The following RAVER2 variants were observed in gnomAD, a reference collection of about 807,000 sequenced individuals.
The protein encoded by RAVER2 is ribonucleoprotein, PTB binding 2.
Under a neutral mutation model 78.1 loss-of-function variants are expected in RAVER2, and 46 were observed. That is an observed-to-expected ratio of 0.59 (90% confidence interval 0.46 to 0.75). The LOEUF is 0.75. Ranked by LOEUF, RAVER2 falls within the 30% of genes least tolerant of loss-of-function variation. The pLI, the probability that RAVER2 is intolerant of heterozygous loss-of-function variation, is 0.00. For missense variants in RAVER2, 793 were observed against 837.5 expected, an observed-to-expected ratio of 0.95 and a Z score of 0.66; for synonymous variants, 311 against 313.3, an observed-to-expected ratio of 0.99 and a Z score of 0.08.
At chr1:64,807,601 C>A in intron 9 of RAVER2, 127 bp downstream of exon 9, 2 of 1,041,930 alleles carry the variant, frequency 1.9e-6, no homozygotes, top group Middle Eastern at 3.2e-4. Context: ...ATTTACTTTT[C>A]AAAATTGAAG....
At chr1:64,815,259 A>C (rs1436819168) in intron 11 of RAVER2, 1 of 152,296 alleles carries the variant, frequency 6.6e-6, no homozygotes, top group Non-Finnish European at 1.5e-5. Flanking sequence ...TCTTTATAGA[A>C]AAATGCTGCT....
At chr1:64,819,625 A>T (rs542720545) in intron 11 of RAVER2, among the ~76,000 whole-genome samples, 1 of 152,368 alleles carries the variant, frequency 6.6e-6, no homozygotes, top group South Asian at 2.1e-4. Flanking sequence ...TACAGATCTA[A>T]CAGGCTCAGA....
At chr1:64,812,649 T>C (rs937832748) in intron 9 of RAVER2, 89 bp from the exon 10 acceptor site, 15 of 747,772 alleles carry the variant, frequency 2.0e-5, no homozygotes, top group Non-Finnish European at 3.3e-5. Flanking sequence ...GTACACTAGA[T>C]GTATTGAAAA....
At chr1:64,793,885 A>G (rs2100858260) in intron 5 of RAVER2, among the ~76,000 whole-genome samples, 1 of 151,860 alleles carries the variant, frequency 6.6e-6, no homozygotes, top group African/African-American at 2.4e-5. Context: ...GCTTAGTAGT[A>G]TTTTTTTCTT....
intron 1 of RAVER2, among the ~76,000 whole-genome samples, chr1:64,760,401 A>G (rs559739556): frequency 6.6e-6 from 1 of 152,292 alleles, no homozygotes; most frequent in South Asian, 2.1e-4. Context: ...CTTTAGTTTA[A>G]GACAGAGAAA....
At chr1:64,800,524 G>T in intron 5 of RAVER2, among the ~76,000 whole-genome samples, 1 of 152,120 alleles carries the variant, frequency 6.6e-6, no homozygotes, top group East Asian at 1.9e-4. Context: ...CGTTTTCCCA[G>T]CATAATTTAT....
intron 9 of RAVER2, 93 bp downstream of exon 9, chr1:64,807,567 AATG>A (rs902768852): frequency 3.2e-6 from 4 of 1,249,642 alleles, no homozygotes; most frequent in African/African-American, 1.5e-5. Flanking sequence ...GTGTCAATGA[AATG>A]ATGACTTTTT....
intron 11 of RAVER2, among the ~76,000 whole-genome samples, chr1:64,823,146 C>G (rs1444149718): frequency 1.3e-5 from 2 of 152,114 alleles, no homozygotes; most frequent in African/African-American, 4.8e-5. Context: ...TGTGAATCAA[C>G]AAATTTTGGA....
In RAVER2 at chr1:64,777,972, A is replaced by G. The variant is rs79421317; in HGVS notation, c.666A>G (p.Leu222=). 724 of 1,614,086 alleles carry G rather than the reference A, an allele frequency of 4.5e-4. 3 individuals are homozygous for G. The African/African-American group carries it at 6.7e-3, about 15-fold the overall frequency. The change falls in exon 3 of 12, where the codon CTA becomes CTG. Residue 222 remains leucine, a synonymous_variant. Transcript: ENST00000294428. Reference sequence around the variant, plus strand: ...TTGCACAATGGATGGATGTTAATCTATTGGCTTCAGAGCTCATTCATTCTA... The same window carrying G: ...TTGCACAATGGATGGATGTTAATCTGTTGGCTTCAGAGCTCATTCATTCTA...
rs1473260030 is a variant in RAVER2 at position 64,804,853 on chromosome 1, A to AT, written c.1296+21dup. 8.3e-5 allele frequency: 127 copies of AT among 1,531,260 alleles called. No homozygotes were observed. Among genetic ancestry groups the AT allele is most frequent in the Non-Finnish European group, 1.1e-4 (123 of 1,111,642 alleles). The allele number at this position is 1,531,260 out of a possible 1,614,324, so 94.9% of individuals were successfully genotyped here. On this transcript the variant is annotated intron_variant, in intron 7 of 11. Coordinates refer to ENST00000294428, the Ensembl canonical transcript of RAVER2. ...ATACTAATAATGTAAGTATGGTATC[A>AT]TTTTTTCTTTTAAAATCAGTTCATT...
chr1:64,806,088 T>C (rs1653410422), intron 8 of RAVER2, among the ~76,000 whole-genome samples: 1 of 152,226 alleles, frequency 6.6e-6, no homozygotes, highest in Non-Finnish European at 1.5e-5. Flanking sequence ...GAAATTTGTT[T>C]AGTAAATTTA....
At chr1:64,804,357 A>G (rs1219957241) in intron 6 of RAVER2, among the ~76,000 whole-genome samples, 3 of 152,102 alleles carry the variant, frequency 2.0e-5, no homozygotes, top group Non-Finnish European at 4.4e-5. Flanking sequence ...TGTAAGATCT[A>G]TGAGGGCAGA....
At chr1:64,760,148 C>T (rs982579009) in intron 1 of RAVER2, among the ~76,000 whole-genome samples, 2 of 151,428 alleles carry the variant, frequency 1.3e-5, no homozygotes, top group Middle Eastern at 3.4e-3. Context: ...ATATCTAATC[C>T]AGACTTGAGA....
At position 64,817,513 on chromosome 1, in the gene RAVER2, T is replaced by C. The variant is rs138301607; in HGVS notation, c.1929+2673T>C. On this transcript the variant is annotated intron_variant, in intron 11 of 11. Transcript: ENST00000294428. The stretch of plus-strand genomic sequence containing the variant: ...GACTTGGAACCAACCCAAACGTCCA[T>C]CAGTGATGGACTGGATTAAGAAAAT... Among the ~76,000 whole-genome samples, 49 of 152,178 alleles carry C rather than the reference T, an allele frequency of 3.2e-4. No homozygotes were observed. In the East Asian group the frequency reaches 9.3e-3, roughly 29 times the overall value.
intron 6 of RAVER2, among the ~76,000 whole-genome samples, chr1:64,803,675 A>G (rs1653332291): frequency 6.6e-6 from 1 of 152,118 alleles, no homozygotes. Context: ...TCCAGCTTTT[A>G]TTTTTCATCC....
intron 6 of RAVER2, among the ~76,000 whole-genome samples, chr1:64,804,029 C>T (rs72918100): frequency 0.2 from 30,995 of 152,012 alleles, 3,708 homozygotes; most frequent in African/African-American, 0.34. Context: ...CACTGCAGAT[C>T]GCTGTCCCAC....
intron 3 of RAVER2, among the ~76,000 whole-genome samples, chr1:64,780,752 A>T (rs1179390229): frequency 6.6e-6 from 1 of 152,156 alleles, no homozygotes; most frequent in Non-Finnish European, 1.5e-5. Context: ...TTACACTCTT[A>T]CAGGTGGGTG....
chr1:64,761,948 C>CA (rs35443570), intron 1 of RAVER2, among the ~76,000 whole-genome samples: 13,345 of 137,822 alleles, frequency 0.097, 833 homozygotes, highest in East Asian at 0.28. Context: ...CTGTCTCTAC[C>CA]AAAAAAAAAA....
chr1:64,826,491 TAAAG>T, intron 11 of RAVER2, among the ~76,000 whole-genome samples: 1 of 152,294 alleles, frequency 6.6e-6, no homozygotes, highest in Middle Eastern at 3.4e-3. Context: ...CTTGGTCTGT[TAAAG>T]GAACAGCAAG....
Sources: allele counts gnomAD v4.1 joint callset (sites outside exome capture counted in the v4.1 genomes callset), GRCh38; gene constraint gnomAD v4.1.1; transcripts MANE v1.5; gene names NCBI Gene and HGNC (gene_info 2026-07-23, HGNC 2026-07-21).